The following TATDN3 variants were observed in gnomAD, a reference collection of about 807,000 sequenced individuals.
TATDN3 encodes the protein deoxyribonuclease TATDN3.
TATDN3 carries 29 observed loss-of-function variants against 40.1 expected under a neutral mutation model. The observed-to-expected ratio is 0.72, with a 90% confidence interval of 0.54 to 0.99. TATDN3 has a LOEUF of 0.99. TATDN3 is among the 50% of genes least tolerant of loss of function. TATDN3 has a pLI of 0.00. For missense variants in TATDN3, 309 were observed against 321.9 expected (o/e 0.96, Z 0.31); for synonymous variants, 105 against 117.0 (o/e 0.90, Z 0.66).
chr1:212,796,587 A>G lies in TATDN3; in HGVS notation c.170A>G (p.Glu57Gly). 6.3e-7 allele frequency: 1 copy of G among 1,577,390 alleles called. No individual in the cohort carries two copies. The highest frequency in any genetic ancestry group is 8.6e-7 in the Non-Finnish European group (1 of 1,163,954). ...TTTGAAAAGATTATGCAACTTTCAG[A>G]AAGGTGCTACTTTTAATTAAGATTT... ...GEFEKIMQLS[E>G]RYNGFVLPCL... The change falls in exon 3 of 10, where the codon GAA (glutamate) becomes GGA (glycine). Residue 57 changes from glutamate to glycine, a missense_variant. Transcript: ENST00000366974.
rs1446261865 is a variant in TATDN3 at position 212,806,819 on chromosome 1, CAT to C, written c.488-911_488-910del. Among the ~76,000 whole-genome samples, 9 of 59,316 alleles carry C rather than the reference CAT, an allele frequency of 1.5e-4. 1 individual carries two copies. Among genetic ancestry groups the C allele is most frequent in the African/African-American group, 3.2e-4 (6 of 18,760 alleles). 38.9% of individuals were successfully genotyped at this position (59,316 alleles called of 152,430 possible). The stretch of plus-strand genomic sequence containing the variant: ...ACACACATATATACACATATATACA[CAT>C]ATATACATATATATACATATATACA... On this transcript the variant is annotated intron_variant, in intron 7 of 9. Transcript: ENST00000366974.
In TATDN3 at chr1:212,812,332, A is replaced by G; in HGVS notation, c.681+4A>G. The G allele has an allele frequency of 1.4e-6, 2 of 1,402,824 alleles. No individual in the cohort carries two copies. The highest frequency in any genetic ancestry group is 2.0e-6 in the Non-Finnish European group (2 of 1,017,640). 86.9% of individuals were successfully genotyped at this position (1,402,824 alleles called of 1,614,324 possible). On this transcript the variant is annotated splice_donor_region_variant and intron_variant, in intron 9 of 9. Transcript: ENST00000366974. Reference sequence around the variant, plus strand: ...TGCACTAGGACCAGAAAAACAGGTAAATGGTTTTCTAATTTCTATATTATT... The same window carrying G: ...TGCACTAGGACCAGAAAAACAGGTAGATGGTTTTCTAATTTCTATATTATT...
In TATDN3 at chr1:212,801,641, C is replaced by T. The variant is rs558714884; in HGVS notation, c.259-1060C>T. Among the ~76,000 whole-genome samples, 17 of 152,262 alleles carry T rather than the reference C, an allele frequency of 1.1e-4. No homozygotes were observed. In the South Asian group the frequency reaches 3.5e-3, roughly 32 times the overall value. ...CCTACTTCTCCAGTCCCTCTGAGAT[C>T]TCAGAGACATACAGTAGTTTGGATG... is the stretch of plus-strand genomic sequence containing the variant. On this transcript the variant is annotated intron_variant, in intron 4 of 9. Coordinates refer to ENST00000366974, the MANE Select transcript of TATDN3 (RefSeq NM_001042552.3).
In TATDN3 at chr1:212,795,319, G is replaced by A. The variant is rs371158234; in HGVS notation, c.99+192G>A. Among the ~76,000 whole-genome samples the A allele has an allele frequency of 4.6e-3, 690 of 151,188 alleles. 3 individuals are homozygous for A. The highest frequency in any genetic ancestry group is 0.016 in the African/African-American group (665 of 41,350). The stretch of plus-strand genomic sequence containing the variant: ...AGAGTCTCGCTCTGTCGCCCAGGCT[G>A]GAGTGCAGTCGTGTGATCTTAGCTC... On this transcript the variant is annotated intron_variant, in intron 2 of 9. Coordinates refer to ENST00000366974, the MANE Select transcript of TATDN3 (RefSeq NM_001042552.3).
At chr1:212,799,475 T>A (rs923790311) in intron 4 of TATDN3, among the ~76,000 whole-genome samples, 1 of 151,974 alleles carries the variant, frequency 6.6e-6, no homozygotes, top group African/African-American at 2.4e-5. Context: ...GGCATTAATA[T>A]AGAATTGATT....
chr1:212,805,621 G>A (rs563764252), intron 7 of TATDN3, among the ~76,000 whole-genome samples: 1 of 152,146 alleles, frequency 6.6e-6, no homozygotes, highest in Non-Finnish European at 1.5e-5. Flanking sequence ...AAAAAAGAAG[G>A]GCAATCACAG....
chr1:212,806,887 T>G (rs1253368362), intron 7 of TATDN3, among the ~76,000 whole-genome samples: 3 of 144,410 alleles, frequency 2.1e-5, no homozygotes, highest in African/African-American at 5.1e-5. Context: ...CATATGTATA[T>G]ACACATATAT....
At chr1:212,792,228 G>T (rs1661355495) in intron 1 of TATDN3, among the ~76,000 whole-genome samples, 1 of 152,058 alleles carries the variant, frequency 6.6e-6, no homozygotes, top group South Asian at 2.1e-4. Context: ...GCTCTTCTGA[G>T]TTCCTGGAAT....
At chr1:212,811,269 ATTACAGG>A (rs201249875) in intron 8 of TATDN3, among the ~76,000 whole-genome samples, 2,235 of 151,826 alleles carry the variant, frequency 0.015, 57 homozygotes, top group African/African-American at 0.052. Flanking sequence ...AGTAGCTGGG[ATTACAGG>A]CAGCCACCAC....
chr1:212,796,337 A>G (rs565819581), intron 2 of TATDN3, among the ~76,000 whole-genome samples, 180 bp from the exon 3 acceptor site: 1 of 152,342 alleles, frequency 6.6e-6, no homozygotes, highest in African/African-American at 2.4e-5. Context: ...ATGAGGCAAT[A>G]TTTATATTCA....
intron 1 of TATDN3, among the ~76,000 whole-genome samples, chr1:212,792,624 C>A (rs1450653980): frequency 1.8e-4 from 17 of 96,920 alleles, no homozygotes; most frequent in African/African-American, 8.2e-4. Flanking sequence ...AACAGTGAGA[C>A]CCTGTCTCAA....
chr1:212,797,082 C>G (rs1245915140), intron 3 of TATDN3, 30 bp from the exon 4 acceptor site: 1 of 1,555,326 alleles, frequency 6.4e-7, no homozygotes, highest in Non-Finnish European at 8.9e-7. Flanking sequence ...TCTACTGTTC[C>G]TGCTTTCTCA....
At chr1:212,810,511 CAAAAAAAAAAAAAA>C (rs55912631) in intron 8 of TATDN3, among the ~76,000 whole-genome samples, 1 of 49,724 alleles carries the variant, frequency 2.0e-5, no homozygotes, top group African/African-American at 8.4e-5. Flanking sequence ...GACTCTGTCT[CAAAAAAAAAAAAAA>C]AAAAAAAAAA....
chr1:212,807,958 T>G, intron 8 of TATDN3, 110 bp downstream of exon 8: 1 of 671,688 alleles, frequency 1.5e-6, no homozygotes, highest in Non-Finnish European at 2.5e-6. Flanking sequence ...AAATTAATCT[T>G]AGGTCTCTAC....
At chr1:212,795,900 A>G (rs1054587413) in intron 2 of TATDN3, among the ~76,000 whole-genome samples, 1 of 152,232 alleles carries the variant, frequency 6.6e-6, no homozygotes, top group Non-Finnish European at 1.5e-5. Context: ...GACACATGCT[A>G]GTGAACTGAT....
chr1:212,809,848 A>G (rs1450096397), intron 8 of TATDN3, among the ~76,000 whole-genome samples: 1 of 151,762 alleles, frequency 6.6e-6, no homozygotes, highest in African/African-American at 2.4e-5. Context: ...ACATGGTGAG[A>G]CCCCTTCTCT....
chr1:212,795,375 A>G (rs1476162053), intron 2 of TATDN3, among the ~76,000 whole-genome samples: 1 of 151,744 alleles, frequency 6.6e-6, no homozygotes, highest in Non-Finnish European at 1.5e-5. Context: ...GGTTCAAGTG[A>G]TTCTCCTGCC....
chr1:212,798,503 C>T (rs1157746515), intron 4 of TATDN3, among the ~76,000 whole-genome samples: 1 of 142,126 alleles, frequency 7.0e-6, no homozygotes, highest in Non-Finnish European at 1.5e-5. Context: ...TCAAGACCAG[C>T]CTGGGCAACA....
chr1:212,792,959 C>G (rs575834487), intron 1 of TATDN3: 1 of 152,268 alleles, frequency 6.6e-6, no homozygotes, highest in East Asian at 1.9e-4. Context: ...GCTGAAAAGA[C>G]AAGGAGCCAC....
Sources: allele counts gnomAD v4.1 joint callset (sites outside exome capture counted in the v4.1 genomes callset), GRCh38; gene constraint gnomAD v4.1.1; transcripts MANE v1.5; gene names NCBI Gene and HGNC (gene_info 2026-07-23, HGNC 2026-07-21).